STIL: variants seen among roughly 807,000 people sequenced by gnomAD.
STIL encodes the protein STIL centriolar assembly protein.
In STIL, 55 loss-of-function variants were observed where a neutral mutation model predicts 110.1. That is an observed-to-expected ratio of 0.50 (90% CI 0.40 to 0.63). The LOEUF is 0.63. Ranked by LOEUF, STIL falls within the 20% of genes least tolerant of loss-of-function variation. The pLI, the probability that STIL is intolerant of heterozygous loss-of-function variation, is 0.00. For synonymous variants in STIL, 481 were observed against 530.0 expected (o/e 0.91, Z 1.27); for missense variants, 1,358 against 1,530.0 (o/e 0.89, Z 1.87).
intron 2 of STIL, among the ~76,000 whole-genome samples, chr1:47,307,472 G>A (rs1234452735): frequency 6.6e-6 from 1 of 152,128 alleles, no homozygotes; most frequent in African/African-American, 2.4e-5. Flanking sequence ...AACATAAATT[G>A]TAAAGATTTC....
chr1:47,254,916 A>T (rs1035142768), intron 16 of STIL, among the ~76,000 whole-genome samples: 1 of 152,176 alleles, frequency 6.6e-6, no homozygotes, highest in Non-Finnish European at 1.5e-5. Flanking sequence ...AGGCTATTCA[A>T]GTTTCAATGC....
rs577567481 is a variant in STIL, at chr1:47,308,659, T to TA, written c.44+1616dup. On this transcript the variant is annotated intron_variant, in intron 2 of 16. Coordinates refer to ENST00000371877, the MANE Select transcript of STIL (RefSeq NM_001048166.1). ...GAGAGGTAGACACAGTTAATGGGTT[T>TA]AAAAAAAAAAAACCAGAAAGAATGA... Among the ~76,000 whole-genome samples, 1,083 of 143,514 alleles carry TA rather than the reference T, an allele frequency of 7.5e-3. 9 individuals carry two copies. Among genetic ancestry groups the TA allele is most frequent in the African/African-American group, 0.022 (874 of 39,394 alleles). The allele number at this position is 143,514 out of a possible 152,430, so 94.2% of individuals were successfully genotyped here.
At position 47,300,086 on chromosome 1, in the gene STIL, G is replaced by C; in HGVS notation, c.520C>G (p.His174Asp). 1 of 1,614,072 alleles carries C rather than the reference G, an allele frequency of 6.2e-7. No individual in the cohort carries two copies. Among genetic ancestry groups the C allele is most frequent in the Non-Finnish European group, 8.5e-7 (1 of 1,179,982 alleles). Residue 174 changes from histidine (H) to aspartate (D), a missense_variant, in exon 6 of 17, where the codon CAT (histidine) becomes GAT (aspartate). By Grantham distance (81) the His-to-Asp change is moderately conservative. Coordinates refer to ENST00000371877, the MANE Select transcript of STIL (RefSeq NM_001048166.1). Reference protein sequence around the residue: ...DCGKLLSLRVHITSRESLDSV... With the variant: ...DCGKLLSLRVDITSRESLDSV... ...TCCAAACTCTCCCTGGAAGTGATAT[G>C]AACTCTTAGGGAAAGCAGCTTACCA...
At chr1:47,255,467 G>A (rs776678133) in intron 16 of STIL, among the ~76,000 whole-genome samples, 1 of 151,078 alleles carries the variant, frequency 6.6e-6, no homozygotes, top group African/African-American at 2.4e-5. Flanking sequence ...AGGATCACTT[G>A]AGCCCAGGAG....
At chr1:47,294,753 G>A (rs1029016325) in intron 7 of STIL, among the ~76,000 whole-genome samples, 20 of 152,118 alleles carry the variant, frequency 1.3e-4, no homozygotes, top group Non-Finnish European at 2.4e-4. Context: ...TAAAGAGAAG[G>A]CCATTAACAC....
At position 47,272,211 on chromosome 1, in the gene STIL, T is replaced by C; in HGVS notation, c.2248A>G (p.Met750Val). 1.2e-6 allele frequency: 2 copies of C among 1,614,150 alleles called. No individual in the cohort carries two copies. The highest frequency in any genetic ancestry group is 8.5e-7 in the Non-Finnish European group (1 of 1,180,020). The change falls in exon 13 of 17, where the codon ATG (methionine) becomes GTG (valine). Residue 750 changes from methionine (M) to valine (V), a missense_variant. Met to Val is a conservative substitution (Grantham distance 21, BLOSUM62 1). Transcript: ENST00000371877. ...IQRLLEAQSL[M>V]PCSPKTTAVE... is the part of the protein sequence containing the mutation. ...GCAGTTGTCTTAGGGGAACAGGGCA[T>C]CAGAGACTGTGCTTCCAACAAACGC...
intron 7 of STIL, among the ~76,000 whole-genome samples, 162 bp from the exon 8 acceptor site, chr1:47,293,706 G>A (rs1255074481): frequency 1.3e-5 from 2 of 151,790 alleles, no homozygotes; most frequent in Non-Finnish European, 2.9e-5. Context: ...TTAAAAGGAA[G>A]AATATATAGA....
intron 14 of STIL, among the ~76,000 whole-genome samples, chr1:47,269,386 C>A (rs545225801): frequency 6.6e-6 from 1 of 151,898 alleles, no homozygotes; most frequent in East Asian, 1.9e-4. Flanking sequence ...AAAACCTGAA[C>A]AGAACAGCAA....
chr1:47,286,354 C>T (rs947774624), intron 10 of STIL, among the ~76,000 whole-genome samples: 1 of 151,512 alleles, frequency 6.6e-6, no homozygotes. Flanking sequence ...GGAGAAGATG[C>T]AGCTTGAGGA....
At chr1:47,264,725 A>G (rs145647534) in intron 14 of STIL, among the ~76,000 whole-genome samples, 2 of 152,304 alleles carry the variant, frequency 1.3e-5, no homozygotes, top group Non-Finnish European at 2.9e-5. Flanking sequence ...TCAGACCAAA[A>G]GTGCGAGAAG....
chr1:47,272,481 T>C (rs1450973226), intron 12 of STIL, among the ~76,000 whole-genome samples: 1 of 151,838 alleles, frequency 6.6e-6, no homozygotes, highest in Non-Finnish European at 1.5e-5. Flanking sequence ...GGTCTTGCTC[T>C]GTCACCCAGG....
Position 47,280,359 on chromosome 1 carries a change from C to G in STIL, c.2099G>C (p.Cys700Ser). The G allele has an allele frequency of 6.2e-7, 1 of 1,614,172 alleles. No homozygotes were observed. Among genetic ancestry groups the G allele is most frequent in the African/African-American group, 1.3e-5 (1 of 75,030 alleles). ...SHMDLCNPQP[C>S]TVCMHTPKTE... ...CTTGGGTGTGTGCATGCACACTGTG[C>G]AAGGCTGTGGGTTACATAAGTCCAT... The change falls in exon 12 of 17, where the codon TGC becomes TCC. Residue 700 changes from cysteine (C) to serine (S), a missense_variant. Transcript: ENST00000371877.
At chr1:47,280,153 A>T (rs1041598686) in intron 12 of STIL, 88 bp downstream of exon 12, 77 of 1,556,936 alleles carry the variant, frequency 4.9e-5, no homozygotes, top group Non-Finnish European at 6.3e-5. Context: ...CTATACTTCT[A>T]TAAAACATCA....
chr1:47,251,990 C>A, intron 16 of STIL, 68 bp from the exon 17 acceptor site: 1 of 1,471,412 alleles, frequency 6.8e-7, no homozygotes, highest in Admixed American at 2.1e-5. Context: ...TCAATGTGTT[C>A]CATTCTATAC....
In STIL at chr1:47,272,153, A is replaced by G. The variant is rs1644860929; in HGVS notation, c.2306T>C (p.Met769Thr). Residue 769 changes from methionine to threonine, a missense_variant, in exon 13 of 17, where the codon ATG (methionine) becomes ACG (threonine). By Grantham distance (81) the Met-to-Thr change is moderately conservative (BLOSUM62 -1). Transcript: ENST00000371877. ...CTGTGCTTCCACAGAAACCAACTCC[A>G]TTTGTCTTCCAGCTTGCACTGTGTC... ...VEDTVQAGRQ[M>T]ELVSVEAQSS... 1 of 1,614,140 alleles carries G rather than the reference A, an allele frequency of 6.2e-7. No homozygotes were observed. Among genetic ancestry groups the G allele is most frequent in the Middle Eastern group, 1.6e-4 (1 of 6,062 alleles).
Position 47,272,186 on chromosome 1 carries a change from G to A in STIL, c.2273C>T (p.Ala758Val). 6.2e-7 allele frequency: 1 copy of A among 1,614,174 alleles called. No homozygotes were observed. The highest frequency in any genetic ancestry group is 8.5e-7 in the Non-Finnish European group (1 of 1,180,028). Residue 758 changes from alanine to valine, a missense_variant, in exon 13 of 17, where the codon GCT becomes GTT. Coordinates refer to ENST00000371877, the MANE Select transcript of STIL (RefSeq NM_001048166.1). ...SLMPCSPKTTAVEDTVQAGRQ... is the reference protein window; with the variant it reads ...SLMPCSPKTTVVEDTVQAGRQ... ...TCCAGCTTGCACTGTGTCTTCAACA[G>A]CAGTTGTCTTAGGGGAACAGGGCAT...
At chr1:47,261,273 G>A (rs568059556) in intron 15 of STIL, among the ~76,000 whole-genome samples, 37 of 146,302 alleles carry the variant, frequency 2.5e-4, no homozygotes, top group East Asian at 1.7e-3. Flanking sequence ...CTGTGGTCCC[G>A]GCTATTTGGG....
At chr1:47,265,237 CAAAAAAAAAAA>C (rs61666574) in intron 14 of STIL, among the ~76,000 whole-genome samples, 4 of 51,656 alleles carry the variant, frequency 7.7e-5, no homozygotes, top group Admixed American at 6.4e-4. Flanking sequence ...CTCCATCTCC[CAAAAAAAAAAA>C]AAAAAAAAAA....
chr1:47,263,012 C>T lies in STIL; in HGVS notation c.2720G>A (p.Gly907Glu). ...VSMCLQTGPTGGASNNSETSE... is the reference protein window; with the variant it reads ...VSMCLQTGPTEGASNNSETSE... ...TGTTTCAGAATTGTTACTGGCACCC[C>T]CTGTTGGTCCAGTCTGTAAACACAT... The change falls in exon 15 of 17, where the codon GGG becomes GAG. Residue 907 changes from glycine (G) to glutamate (E), a missense_variant. Transcript: ENST00000371877. 6.2e-7 allele frequency: 1 copy of T among 1,614,136 alleles called. No individual in the cohort carries two copies. Among genetic ancestry groups the T allele is most frequent in the Non-Finnish European group, 8.5e-7 (1 of 1,180,024 alleles).
Sources: allele counts gnomAD v4.1 joint callset (sites outside exome capture counted in the v4.1 genomes callset), GRCh38; gene constraint gnomAD v4.1.1; transcripts MANE v1.5; gene names NCBI Gene and HGNC (gene_info 2026-07-23, HGNC 2026-07-21).